Variants in CDH12 observed in about 807,000 individuals in gnomAD.
The protein encoded by CDH12 is cadherin-12.
In CDH12, 41 loss-of-function variants were observed where a neutral mutation model predicts 74.1. That is an observed-to-expected ratio of 0.55 (90% CI 0.43 to 0.72). CDH12 has a LOEUF of 0.72. Ranked by LOEUF, CDH12 falls within the 30% of genes least tolerant of loss-of-function variation. The probability of loss-of-function intolerance (pLI) is 0.00; values close to 1 mark genes in which losing one functional copy is unlikely to be tolerated. For synonymous variants in CDH12, 399 were observed against 355.0 expected, an observed-to-expected ratio of 1.12 and a Z score of -1.39; for missense variants, 945 against 977.2, an observed-to-expected ratio of 0.97 and a Z score of 0.44.
intron 6 of CDH12, among the ~76,000 whole-genome samples, chr5:21,901,688 C>G (rs1198767642): frequency 6.6e-6 from 1 of 152,108 alleles, no homozygotes; most frequent in East Asian, 1.9e-4. Flanking sequence ...TTTCAACCAG[C>G]CACCTCCACA....
intron 6 of CDH12, among the ~76,000 whole-genome samples, chr5:21,861,536 T>G (rs140187133): frequency 6.6e-6 from 1 of 152,136 alleles, no homozygotes; most frequent in African/African-American, 2.4e-5. Flanking sequence ...TGTAATTTCT[T>G]GAACCTTATT....
chr5:22,393,202 A>G (rs1481481905), intron 3 of CDH12, among the ~76,000 whole-genome samples: 3 of 152,284 alleles, frequency 2.0e-5, no homozygotes, highest in South Asian at 2.1e-4. Context: ...GGGAAATTTG[A>G]GACAGACAGA....
chr5:22,770,407 A>G (rs980061353), intron 1 of CDH12, among the ~76,000 whole-genome samples: 11 of 152,110 alleles, frequency 7.2e-5, no homozygotes, highest in African/African-American at 2.2e-4. Flanking sequence ...GAGAATCTAT[A>G]TATTTATTTT....
chr5:22,673,024 T>C (rs181821611), intron 1 of CDH12, among the ~76,000 whole-genome samples: 34 of 152,084 alleles, frequency 2.2e-4, no homozygotes, highest in Non-Finnish European at 1.5e-5. Context: ...TTTCTTTTCA[T>C]TTTTTTTCTC....
At chr5:22,403,158 A>G (rs1018143450) in intron 3 of CDH12, among the ~76,000 whole-genome samples, 3 of 152,236 alleles carry the variant, frequency 2.0e-5, no homozygotes, top group African/African-American at 7.2e-5. Context: ...ACTGGTAAGT[A>G]GATTTCAGAT....
intron 3 of CDH12, among the ~76,000 whole-genome samples, chr5:22,385,388 T>C (rs747531673): frequency 3.3e-5 from 5 of 152,224 alleles, no homozygotes; most frequent in Non-Finnish European, 4.4e-5. Context: ...TAAGATAGGC[T>C]GCTTTCTAAC....
intron 1 of CDH12, among the ~76,000 whole-genome samples, chr5:22,819,364 T>TA (rs966068476): frequency 4.0e-5 from 6 of 150,726 alleles, no homozygotes; most frequent in Admixed American, 6.6e-5. Flanking sequence ...GTTAAAAATT[T>TA]AAAAAAAAAG....
At chr5:21,880,535 T>TTTCCTTCCTTCCTTCCTTCC (rs750768178) in intron 6 of CDH12, among the ~76,000 whole-genome samples, 2,246 of 31,288 alleles carry the variant, frequency 0.072, 703 homozygotes, top group Middle Eastern at 0.14. Context: ...TCTTCCTTCT[T>TTTCCTTCCTTCCTTCCTTCC]TTCCTTCCTT....
chr5:21,795,298 C>G (rs1367357407), intron 10 of CDH12, among the ~76,000 whole-genome samples: 1 of 151,646 alleles, frequency 6.6e-6, no homozygotes, highest in African/African-American at 2.4e-5. Flanking sequence ...GGTTGAAATA[C>G]TGAAATTATC....
chr5:22,205,775 T>A (rs1751184802), intron 4 of CDH12, among the ~76,000 whole-genome samples: 1 of 151,850 alleles, frequency 6.6e-6, no homozygotes, highest in African/African-American at 2.4e-5. Flanking sequence ...CAGTATGGAG[T>A]TATCTTGGGC....
chr5:22,026,764 T>A (rs1364912202), intron 5 of CDH12, among the ~76,000 whole-genome samples: 1 of 152,146 alleles, frequency 6.6e-6, no homozygotes, highest in East Asian at 1.9e-4. Flanking sequence ...ACTCCTGTCT[T>A]GAGTTTCTAT....
At chr5:22,574,331 A>G (rs1211419136) in intron 1 of CDH12, among the ~76,000 whole-genome samples, 2 of 149,964 alleles carry the variant, frequency 1.3e-5, no homozygotes, top group East Asian at 2.0e-4. Context: ...TATTTCTTAA[A>G]CCTCTTATCT....
chr5:22,675,590 G>A (rs1185804473), intron 1 of CDH12, among the ~76,000 whole-genome samples: 2 of 151,884 alleles, frequency 1.3e-5, no homozygotes, highest in Non-Finnish European at 2.9e-5. Flanking sequence ...GGGACTATTG[G>A]GAAGGCATAA....
chr5:22,399,106 T>A (rs1742593886), intron 3 of CDH12, among the ~76,000 whole-genome samples: 1 of 152,142 alleles, frequency 6.6e-6, no homozygotes, highest in Admixed American at 6.6e-5. Context: ...GTGTATCTAT[T>A]GAACTATATT....
At chr5:22,315,676 T>G (rs952398517) in intron 3 of CDH12, among the ~76,000 whole-genome samples, 2 of 152,088 alleles carry the variant, frequency 1.3e-5, no homozygotes, top group African/African-American at 4.8e-5. Context: ...ACAAAAAAAA[T>G]GTATTTTTTA....
At chr5:21,865,214 A>C (rs1751263246) in intron 6 of CDH12, among the ~76,000 whole-genome samples, 1 of 152,190 alleles carries the variant, frequency 6.6e-6, no homozygotes, top group Non-Finnish European at 1.5e-5. Context: ...AAGCCACTTG[A>C]AGTAAAATGA....
intron 2 of CDH12, among the ~76,000 whole-genome samples, chr5:22,454,972 G>C (rs891988885): frequency 5.9e-5 from 9 of 152,290 alleles, no homozygotes; most frequent in Middle Eastern, 3.4e-3. Flanking sequence ...GGTTCAAAGA[G>C]CTCATTAGAA....
At chr5:22,623,209 T>A (rs1181912750) in intron 1 of CDH12, among the ~76,000 whole-genome samples, 1 of 152,240 alleles carries the variant, frequency 6.6e-6, no homozygotes, top group African/African-American at 2.4e-5. Context: ...CCACAGCCAA[T>A]ATCATACTGA....
intron 1 of CDH12, among the ~76,000 whole-genome samples, chr5:22,772,723 T>C (rs1746875021): frequency 6.6e-6 from 1 of 152,136 alleles, no homozygotes; most frequent in South Asian, 2.1e-4. Context: ...GCCTGATTTG[T>C]ATGCAGGATC....
Sources: allele counts gnomAD v4.1 joint callset (sites outside exome capture counted in the v4.1 genomes callset), GRCh38; gene constraint gnomAD v4.1.1; transcripts MANE v1.5; gene names NCBI Gene and HGNC (gene_info 2026-07-23, HGNC 2026-07-21).